Variants in COLQ observed in about 807,000 individuals in gnomAD.
COLQ encodes the protein acetylcholinesterase collagenic tail peptide.
COLQ carries 48 observed loss-of-function variants against 69.0 expected under a neutral mutation model. The observed-to-expected ratio is 0.70, with a 90% CI of 0.55 to 0.88. COLQ has a LOEUF of 0.88. COLQ is among the 40% of genes least tolerant of loss of function. The probability of loss-of-function intolerance (pLI) is 0.00; values close to 1 mark genes in which losing one functional copy is unlikely to be tolerated. For synonymous variants in COLQ, 217 were observed against 211.2 expected, an observed-to-expected ratio of 1.03 and a Z score of -0.24; for missense variants, 618 against 594.6, an observed-to-expected ratio of 1.04 and a Z score of -0.41.
intron 5 of COLQ, 94 bp from the exon 6 acceptor site, chr3:15,477,291 G>T: frequency 2.6e-6 from 3 of 1,143,288 alleles, no homozygotes; most frequent in Non-Finnish European, 3.9e-6. Context: ...GGAGACAGTG[G>T]GTTCTCTAGG....
chr3:15,487,490 T>G (rs1019506773), intron 3 of COLQ, among the ~76,000 whole-genome samples: 4 of 151,572 alleles, frequency 2.6e-5, no homozygotes, highest in African/African-American at 9.7e-5. Flanking sequence ...GCCACAGGAG[T>G]GTTTACCCAG....
chr3:15,458,838 T>C (rs2062064287), intron 12 of COLQ, among the ~76,000 whole-genome samples: 2 of 151,850 alleles, frequency 1.3e-5, no homozygotes, highest in Admixed American at 6.6e-5. Flanking sequence ...GTTTTTCTTA[T>C]ATATAGAATT....
Position 15,451,730 on chromosome 3 carries a change from C to G in COLQ, c.1299-17G>C, listed in dbSNP as rs1488016777. The G allele has an allele frequency of 2.5e-6, 4 of 1,612,494 alleles. No homozygotes were observed. Among genetic ancestry groups the G allele is most frequent in the African/African-American group, 1.3e-5 (1 of 74,884 alleles). On this transcript the variant is annotated splice_polypyrimidine_tract_variant and intron_variant, in intron 16 of 16. Transcript: ENST00000383788. ...CCATATGACCTGAGGGAGGCAAAGA[C>G]ACGTTCTAAAAGGCCACCTCTTATA...
At chr3:15,498,846 G>C (rs1446459633) in intron 1 of COLQ, 3 of 1,417,166 alleles carry the variant, frequency 2.1e-6, no homozygotes, top group Non-Finnish European at 2.8e-6. Context: ...TGGAGGACAA[G>C]AGTGCCTTCA....
At chr3:15,471,906 T>C (rs923593855) in intron 10 of COLQ, among the ~76,000 whole-genome samples, 1 of 151,790 alleles carries the variant, frequency 6.6e-6, no homozygotes. Flanking sequence ...AGTTTTTCCC[T>C]GGCTGTTTTA....
intron 1 of COLQ, among the ~76,000 whole-genome samples, chr3:15,510,708 AAGGGGACAGGATGGG>A (rs1296261358): frequency 1.2e-3 from 162 of 136,384 alleles, no homozygotes; most frequent in African/African-American, 3.5e-3. Context: ...ACAAGGAGGG[AAGGGGACAGGATGGG>A]AGGGGACAGG....
chr3:15,496,055 A>C (rs957511164), intron 1 of COLQ, among the ~76,000 whole-genome samples: 2 of 152,116 alleles, frequency 1.3e-5, no homozygotes, highest in Non-Finnish European at 2.9e-5. Flanking sequence ...GCCTTCCTTC[A>C]CCCAGCACCC....
At chr3:15,478,898 T>C (rs1339884017) in intron 5 of COLQ, 79 bp downstream of exon 5, 14 of 1,560,010 alleles carry the variant, frequency 9.0e-6, no homozygotes, top group African/African-American at 4.1e-5. Context: ...GCATTGCTGT[T>C]CCCCCCTCCC....
At chr3:15,483,670 T>G (rs1218662752) in intron 3 of COLQ, among the ~76,000 whole-genome samples, 2 of 152,230 alleles carry the variant, frequency 1.3e-5, no homozygotes, top group African/African-American at 4.8e-5. Context: ...GATGTGGTGG[T>G]GAGAAGAATG....
chr3:15,500,767 A>C (rs1278016006), intron 1 of COLQ, among the ~76,000 whole-genome samples: 1 of 152,116 alleles, frequency 6.6e-6, no homozygotes, highest in African/African-American at 2.4e-5. Context: ...CCAAGCATGC[A>C]CCATTTAATT....
rs184818548 is a variant in COLQ at position 15,504,719 on chromosome 3, G to C, written c.107-15082C>G. ...ACTAAAAAATACAAAAATTAGCCAG[G>C]TGTGGTGGTGGGTGCCTGTAATCCC... On this transcript the variant is annotated intron_variant, in intron 1 of 16. Coordinates refer to ENST00000383788, the MANE Select transcript of COLQ (RefSeq NM_005677.4). Among the ~76,000 whole-genome samples the C allele has an allele frequency of 3.5e-3, 532 of 152,278 alleles. 3 individuals are homozygous for C. The highest frequency in any genetic ancestry group is 6.5e-3 in the Non-Finnish European group (441 of 68,032).
chr3:15,484,675 A>G (rs1415612957), intron 3 of COLQ, among the ~76,000 whole-genome samples: 1 of 152,170 alleles, frequency 6.6e-6, no homozygotes, highest in East Asian at 1.9e-4. Context: ...TTGATCTTCA[A>G]TCACTGATAC....
chr3:15,498,170 G>A (rs2062775472), intron 1 of COLQ, among the ~76,000 whole-genome samples: 1 of 152,068 alleles, frequency 6.6e-6, no homozygotes, highest in South Asian at 2.1e-4. Flanking sequence ...GGTACCAGCT[G>A]CCAGCCAAGG....
rs775959815 is a variant in COLQ, at chr3:15,489,532, C to T, written c.212G>A (p.Arg71Gln). The change falls in exon 2 of 17, where the codon CGA becomes CAA. Residue 71 changes from arginine (R) to glutamine (Q), a missense_variant. Physicochemically the swap from Arg to Gln is conservative, Grantham distance 43 (BLOSUM62 1). Transcript: ENST00000383788. Reference protein sequence around the residue: ...LFPPPFFRGGRSPLLSPDMKN... With the variant: ...LFPPPFFRGGQSPLLSPDMKN... ...AAATCCCAAAGTACTCACCGGACTT[C>T]GGCCACCTCTGAAGAATGGTGGTGG... 29 of 1,614,036 alleles carry T rather than the reference C, an allele frequency of 1.8e-5. No individual in the cohort carries two copies. In the Admixed American group the frequency reaches 1.8e-4, roughly 10 times the overall value.
chr3:15,521,451 A>G, intron 1 of COLQ, 69 bp downstream of exon 1: 1 of 1,600,690 alleles, frequency 6.2e-7, no homozygotes, highest in Non-Finnish European at 8.5e-7. Context: ...GACACATTGC[A>G]AAACAATCTT....
rs140934148 is a variant in COLQ, at chr3:15,470,508, G to A, written c.717+28C>T. 6.4e-4 allele frequency: 1,030 copies of A among 1,608,772 alleles called. 4 individuals carry two copies. In the African/African-American group the frequency reaches 0.012, roughly 19 times the overall value. On this transcript the variant is annotated intron_variant, in intron 11 of 16. Coordinates refer to ENST00000383788, the MANE Select transcript of COLQ (RefSeq NM_005677.4). ...GCCAGGTCAGGAAGTTCTGACCTCA[G>A]GCGGGTGGTAAGCCCTGGGATCCTT...
At chr3:15,455,413 A>G (rs2062010064) in intron 15 of COLQ, among the ~76,000 whole-genome samples, 1 of 152,218 alleles carries the variant, frequency 6.6e-6, no homozygotes, top group Non-Finnish European at 1.5e-5. Flanking sequence ...CTACCAGTTA[A>G]GGCAGCAGCC....
At chr3:15,486,519 G>A (rs1164832212) in intron 3 of COLQ, among the ~76,000 whole-genome samples, 1 of 152,196 alleles carries the variant, frequency 6.6e-6, no homozygotes, top group African/African-American at 2.4e-5. Flanking sequence ...TGTGTGACCA[G>A]AGAGCCACTG....
chr3:15,494,919 A>G (rs1482806336), intron 1 of COLQ, among the ~76,000 whole-genome samples: 1 of 152,208 alleles, frequency 6.6e-6, no homozygotes, highest in East Asian at 1.9e-4. Flanking sequence ...ATTCACACAT[A>G]GAAATTCACC....
Sources: allele counts gnomAD v4.1 joint callset (sites outside exome capture counted in the v4.1 genomes callset), GRCh38; gene constraint gnomAD v4.1.1; transcripts MANE v1.5; gene names NCBI Gene and HGNC (gene_info 2026-07-23, HGNC 2026-07-21).